Variants in DLGAP4 observed in about 807,000 individuals in gnomAD.
DLGAP4 encodes DLG associated protein 4.
Under a neutral mutation model 86.9 loss-of-function variants are expected in DLGAP4, and 18 were observed. The observed-to-expected ratio is 0.21, with a 90% CI of 0.14 to 0.31. DLGAP4 has a LOEUF of 0.31. Among genes scored for constraint, DLGAP4 ranks in the 10% least tolerant of loss-of-function variants. The probability of loss-of-function intolerance (pLI) is 1.00; values close to 1 mark genes in which losing one functional copy is unlikely to be tolerated. For missense variants in DLGAP4, 1,085 were observed against 1,362.6 expected, an observed-to-expected ratio of 0.80 and a Z score of 3.21; for synonymous variants, 548 against 574.3, an observed-to-expected ratio of 0.95 and a Z score of 0.65.
chr20:36,475,619 T>G (rs2147681990), intron 7 of DLGAP4, among the ~76,000 whole-genome samples: 1 of 152,342 alleles, frequency 6.6e-6, no homozygotes, highest in South Asian at 2.1e-4. Context: ...TATTTTTCTT[T>G]TATTTATATT....
intron 1 of DLGAP4, among the ~76,000 whole-genome samples, chr20:36,366,197 G>A (rs2030683594): frequency 6.6e-6 from 1 of 152,102 alleles, no homozygotes; most frequent in African/African-American, 2.4e-5. Flanking sequence ...TCGGCTCACT[G>A]CAACCTCTGC....
intron 7 of DLGAP4, among the ~76,000 whole-genome samples, chr20:36,493,626 G>A (rs1264750287): frequency 6.6e-6 from 1 of 152,222 alleles, no homozygotes; most frequent in Non-Finnish European, 1.5e-5. Flanking sequence ...CTGTAGGGAT[G>A]TGGTGATGAG....
At chr20:36,417,783 T>TTG (rs1555900260) in intron 2 of DLGAP4, among the ~76,000 whole-genome samples, 1,839 of 150,898 alleles carry the variant, frequency 0.012, 25 homozygotes, top group South Asian at 0.049. Flanking sequence ...GTTTTTTTTT[T>TTG]TTGTTGTTGT....
chr20:36,456,816 C>T (rs1214863355), intron 7 of DLGAP4, among the ~76,000 whole-genome samples: 2 of 152,234 alleles, frequency 1.3e-5, no homozygotes, highest in African/African-American at 2.4e-5. Flanking sequence ...TGAGACAAGA[C>T]AGGGGCATTC....
Position 36,393,580 on chromosome 20 carries a change from G to A in DLGAP4, c.-73+26305G>A, listed in dbSNP as rs761223288. Reference sequence around the variant, plus strand: ...GAGCCCCTGGGGAGCACAGGGAAGCGAGCCAGCCGCTGTGGAGACTGACCC... The same window carrying A: ...GAGCCCCTGGGGAGCACAGGGAAGCAAGCCAGCCGCTGTGGAGACTGACCC... On this transcript the variant is annotated intron_variant, in intron 2 of 12. Transcript: ENST00000339266. The surrounding 1 kb of genome is among the most constrained non-coding windows in gnomAD (Gnocchi z 4.4). 1.3e-5 allele frequency among the ~76,000 whole-genome samples: 2 copies of A among 152,080 alleles called. No individual in the cohort carries two copies. Among genetic ancestry groups the A allele is most frequent in the African/African-American group, 4.8e-5 (2 of 41,402 alleles).
intron 2 of DLGAP4, among the ~76,000 whole-genome samples, chr20:36,425,593 G>T (rs2032952948): frequency 6.6e-6 from 1 of 152,104 alleles, no homozygotes; most frequent in Non-Finnish European, 1.5e-5. Flanking sequence ...GGAGGCCAAG[G>T]CGGGTGGATC....
chr20:36,323,740 T>A (rs1226342216), intron 1 of DLGAP4, among the ~76,000 whole-genome samples: 5 of 152,230 alleles, frequency 3.3e-5, no homozygotes, highest in Non-Finnish European at 7.3e-5. Context: ...GGGATGAAAC[T>A]GTTTCACCTC....
chr20:36,499,483 C>T (rs2036039231), intron 8 of DLGAP4, 105 bp from the exon 9 acceptor site: 1 of 1,385,734 alleles, frequency 7.2e-7, no homozygotes, highest in African/African-American at 1.4e-5. Flanking sequence ...GTCCACACGT[C>T]CGTTTGCGTC....
intron 2 of DLGAP4, among the ~76,000 whole-genome samples, chr20:36,378,393 T>C (rs2031241755): frequency 6.6e-6 from 1 of 152,196 alleles, no homozygotes; most frequent in Non-Finnish European, 1.5e-5. Flanking sequence ...TTGTTATCAT[T>C]ATTATTTGGG....
chr20:36,459,365 G>C (rs1210664350), intron 7 of DLGAP4, among the ~76,000 whole-genome samples: 2 of 152,160 alleles, frequency 1.3e-5, no homozygotes, highest in Admixed American at 6.6e-5. Flanking sequence ...CCAGGAATCT[G>C]CTTTTCTTTT....
At position 36,331,140 on chromosome 20, in the gene DLGAP4, T is replaced by C. The variant is rs1425278949; in HGVS notation, c.-304+24628T>C. On this transcript the variant is annotated intron_variant, in intron 1 of 12. Transcript: ENST00000339266. ...CTGGGCCTTGGCTTCCTCTCTCACC[T>C]GTGGGGATGGCTACTTCCACGTGGT... 2.0e-5 allele frequency among the ~76,000 whole-genome samples: 3 copies of C among 152,212 alleles called. No individual in the cohort carries two copies. In the East Asian group the frequency reaches 5.8e-4, roughly 29 times the overall value.
intron 1 of DLGAP4, among the ~76,000 whole-genome samples, chr20:36,331,242 G>A (rs2065264914): frequency 6.6e-6 from 1 of 152,212 alleles, no homozygotes; most frequent in African/African-American, 2.4e-5. Flanking sequence ...AGCCCTTCAG[G>A]GAGGACCCAT....
chr20:36,497,779 C>A, intron 8 of DLGAP4: 1 of 238,176 alleles, frequency 4.2e-6, no homozygotes, highest in Non-Finnish European at 6.8e-6. Context: ...CCCTCCACTG[C>A]TTCATTGCAC....
intron 1 of DLGAP4, among the ~76,000 whole-genome samples, chr20:36,312,082 G>A (rs1303200458): frequency 4.6e-5 from 7 of 152,246 alleles, no homozygotes; most frequent in South Asian, 4.1e-4. Context: ...CCCCAGCCCC[G>A]CCAGAGGCCC....
Position 36,397,530 on chromosome 20 carries a change from GTTGT to G in DLGAP4, c.-73+30258_-73+30261del, listed in dbSNP as rs530914585. Among the ~76,000 whole-genome samples, 462 of 152,070 alleles carry G rather than the reference GTTGT, an allele frequency of 3.0e-3. 7 individuals are homozygous for G. The highest frequency in any genetic ancestry group is 0.029 in the Admixed American group (436 of 15,274). Reference sequence around the variant, plus strand: ...TGGTGTTTCTTTTCTAACTTTTGGAGTTGTTTATCATATTGCTTTTCAGTTTGTT... The same window carrying G: ...TGGTGTTTCTTTTCTAACTTTTGGAGTTATCATATTGCTTTTCAGTTTGTT... On this transcript the variant is annotated intron_variant, in intron 2 of 12. Coordinates refer to ENST00000339266, the MANE Select transcript of DLGAP4 (RefSeq NM_001365621.2).
chr20:36,499,735 A>T, intron 9 of DLGAP4, 59 bp downstream of exon 9: 1 of 1,430,460 alleles, frequency 7.0e-7, no homozygotes. Context: ...CTCCGCTCTC[A>T]CCTCTCCTGC....
chr20:36,372,201 A>G (rs2030967970), intron 2 of DLGAP4, among the ~76,000 whole-genome samples: 1 of 152,182 alleles, frequency 6.6e-6, no homozygotes, highest in African/African-American at 2.4e-5. Flanking sequence ...CCAGGCTTGC[A>G]TCCCTGACGG....
chr20:36,358,910 T>C (rs1323525956), intron 1 of DLGAP4, among the ~76,000 whole-genome samples: 1 of 152,170 alleles, frequency 6.6e-6, no homozygotes, highest in African/African-American at 2.4e-5. Flanking sequence ...TTCTGACAAA[T>C]TGACAAAATG....
chr20:36,518,361 G>C (rs868302338), intron 10 of DLGAP4, among the ~76,000 whole-genome samples: 5 of 152,012 alleles, frequency 3.3e-5, no homozygotes, highest in Middle Eastern at 6.8e-3. Context: ...TTTTGATCTT[G>C]ATCAGTCTGA....
Sources: gnomAD v4.1 joint callset for allele counts (sites outside exome capture counted in the v4.1 genomes callset) on GRCh38, gnomAD v4.1.1 for gene constraint, Gnocchi (gnomAD v3.1) non-coding constraint, MANE v1.5 for transcripts, NCBI Gene and HGNC (gene_info 2026-07-23, HGNC 2026-07-21) for gene names.